PLXNA2: variants seen among roughly 807,000 people sequenced by gnomAD.
PLXNA2 encodes the protein plexin A2.
In PLXNA2, 91 loss-of-function variants were observed where a neutral mutation model predicts 193.5. That is an observed-to-expected ratio of 0.47 (90% CI 0.40 to 0.56). The LOEUF is 0.56. Ranked by LOEUF, PLXNA2 falls within the 20% of genes least tolerant of loss-of-function variation. PLXNA2 has a pLI of 0.00. For synonymous variants in PLXNA2, 997 were observed against 1,027.3 expected (o/e 0.97, Z 0.56); for missense variants, 1,995 against 2,503.2 (o/e 0.80, Z 4.33).
intron 5 of PLXNA2, among the ~76,000 whole-genome samples, chr1:208,100,918 C>T (rs1449662239): frequency 6.6e-6 from 1 of 152,196 alleles, no homozygotes; most frequent in African/African-American, 2.4e-5. Flanking sequence ...CGTGTCCAAA[C>T]CAAATAGCCA....
chr1:208,242,277 A>G (rs1431354862), intron 1 of PLXNA2, among the ~76,000 whole-genome samples: 1 of 152,042 alleles, frequency 6.6e-6, no homozygotes, highest in East Asian at 1.9e-4. Context: ...GGAGACTGCT[A>G]TTGTGTGGGG....
intron 3 of PLXNA2, among the ~76,000 whole-genome samples, chr1:208,193,583 T>C (rs1020538974): frequency 2.0e-5 from 3 of 152,206 alleles, no homozygotes; most frequent in South Asian, 4.1e-4. Flanking sequence ...CTGAAACCAA[T>C]GAATAAGTTT....
intron 23 of PLXNA2, 110 bp from the exon 24 acceptor site, chr1:208,039,877 C>A (rs962540490): frequency 5.0e-6 from 8 of 1,584,938 alleles, no homozygotes; most frequent in Non-Finnish European, 6.9e-6. Context: ...TTAGCACAGC[C>A]AGTCCAGGTT....
chr1:208,093,223 C>A (rs934763289), intron 8 of PLXNA2, among the ~76,000 whole-genome samples: 8 of 152,182 alleles, frequency 5.3e-5, no homozygotes, highest in African/African-American at 1.9e-4. Flanking sequence ...AGTTTGAAAT[C>A]GGCCATGGTG....
At chr1:208,127,383 T>C (rs1473680646) in intron 4 of PLXNA2, among the ~76,000 whole-genome samples, 1 of 152,230 alleles carries the variant, frequency 6.6e-6, no homozygotes, top group Non-Finnish European at 1.5e-5. Flanking sequence ...AAGACATAGT[T>C]TGGGTCTGCC....
chr1:208,222,938 C>T (rs1239042268), intron 1 of PLXNA2, among the ~76,000 whole-genome samples: 3 of 152,194 alleles, frequency 2.0e-5, no homozygotes, highest in African/African-American at 7.2e-5. Flanking sequence ...CAGCACCATC[C>T]TGGAGCTGAC....
intron 10 of PLXNA2, among the ~76,000 whole-genome samples, chr1:208,083,674 C>G (rs1666419338): frequency 6.6e-6 from 1 of 152,054 alleles, no homozygotes; most frequent in African/African-American, 2.4e-5. Flanking sequence ...CCAGCTGACC[C>G]CCCACAGTCA....
Position 208,199,508 on chromosome 1 carries a change from T to C in PLXNA2, c.1371+10772A>G, listed in dbSNP as rs930954438. Among the ~76,000 whole-genome samples the C allele has an allele frequency of 3.3e-5, 5 of 152,034 alleles. No homozygotes were observed. The East Asian group carries it at 5.8e-4, about 18-fold the overall frequency. On this transcript the variant is annotated intron_variant, in intron 3 of 31. Coordinates refer to ENST00000367033, the MANE Select transcript of PLXNA2 (RefSeq NM_025179.4). The stretch of plus-strand genomic sequence containing the variant: ...GAGATCGAGACCATCCTGGCCAACA[T>C]GTTGAAACCCCGTCTCTACTAAAAA...
intron 12 of PLXNA2, among the ~76,000 whole-genome samples, chr1:208,061,308 T>C (rs890202021): frequency 1.6e-4 from 24 of 152,194 alleles, no homozygotes; most frequent in African/African-American, 5.5e-4. Flanking sequence ...TTTGTAATTG[T>C]GACAGTGTTA....
intron 3 of PLXNA2, among the ~76,000 whole-genome samples, chr1:208,180,393 G>A (rs1669803740): frequency 6.6e-6 from 1 of 152,098 alleles, no homozygotes; most frequent in Non-Finnish European, 1.5e-5. Context: ...AGGGGCAGAA[G>A]GCAGAGAAAA....
At chr1:208,056,653 T>C (rs1056365374) in intron 13 of PLXNA2, among the ~76,000 whole-genome samples, 5 of 152,126 alleles carry the variant, frequency 3.3e-5, no homozygotes, top group Admixed American at 3.3e-4. Context: ...AGAAGAGTGA[T>C]GACTGAGAGA....
At chr1:208,136,033 A>T (rs1466089451) in intron 4 of PLXNA2, among the ~76,000 whole-genome samples, 1 of 152,168 alleles carries the variant, frequency 6.6e-6, no homozygotes, top group African/African-American at 2.4e-5. Flanking sequence ...GAAGCCCAAC[A>T]CACATGGCAG....
intron 5 of PLXNA2, among the ~76,000 whole-genome samples, chr1:208,101,473 C>G (rs1040171916): frequency 6.6e-6 from 1 of 152,138 alleles, no homozygotes. Flanking sequence ...GCTCTTGGGG[C>G]GGAGAAGCTG....
intron 3 of PLXNA2, among the ~76,000 whole-genome samples, chr1:208,160,019 TG>T (rs1207606018): frequency 6.6e-6 from 1 of 152,188 alleles, no homozygotes; most frequent in Admixed American, 6.5e-5. Context: ...CTATCAGGTT[TG>T]CCCACAGTCG....
intron 11 of PLXNA2, among the ~76,000 whole-genome samples, chr1:208,080,543 G>C (rs1666302344): frequency 6.6e-6 from 1 of 152,158 alleles, no homozygotes; most frequent in Admixed American, 6.5e-5. Flanking sequence ...TGCTGAAAGT[G>C]AGACACATGC....
chr1:208,214,396 CA>C (rs1468425840), intron 2 of PLXNA2, among the ~76,000 whole-genome samples: 1 of 152,174 alleles, frequency 6.6e-6, no homozygotes, highest in African/African-American at 2.4e-5. Context: ...ATAACTTGCC[CA>C]AAGTCACACA....
At chr1:208,144,712 C>A (rs946871247) in intron 3 of PLXNA2, among the ~76,000 whole-genome samples, 9 of 152,144 alleles carry the variant, frequency 5.9e-5, no homozygotes, top group African/African-American at 2.2e-4. Context: ...TCATCACTCC[C>A]CTTGTGGGAC....
At chr1:208,204,063 G>T (rs1230306915) in intron 3 of PLXNA2, among the ~76,000 whole-genome samples, 1 of 152,180 alleles carries the variant, frequency 6.6e-6, no homozygotes, top group Non-Finnish European at 1.5e-5. Flanking sequence ...GGGGACTGGA[G>T]ACCTTGGGTT....
At chr1:208,056,548 T>C (rs1401924783) in intron 13 of PLXNA2, among the ~76,000 whole-genome samples, 5 of 152,150 alleles carry the variant, frequency 3.3e-5, no homozygotes, top group African/African-American at 1.2e-4. Flanking sequence ...GAGCTAATGA[T>C]GGGCCAGGGC....
Sources: allele counts gnomAD v4.1 joint callset (sites outside exome capture counted in the v4.1 genomes callset), GRCh38; gene constraint gnomAD v4.1.1; transcripts MANE v1.5; gene names NCBI Gene and HGNC (gene_info 2026-07-23, HGNC 2026-07-21).